CCDC122: variants seen among roughly 807,000 people sequenced by gnomAD.
CCDC122 encodes coiled-coil domain-containing protein 122.
In CCDC122, 38 loss-of-function variants were observed where a neutral mutation model predicts 37.0. That is an observed-to-expected ratio of 1.03 (90% CI 0.79 to 1.35). The LOEUF (loss-of-function observed/expected upper bound fraction) is 1.35, where lower values mean the gene tolerates loss of function less well. CCDC122 is among the 40% of genes most tolerant of loss of function. The pLI is 0.00. For synonymous variants in CCDC122, 83 were observed against 95.6 expected, an observed-to-expected ratio of 0.87 and a Z score of 0.77; for missense variants, 305 against 310.0, an observed-to-expected ratio of 0.98 and a Z score of 0.12.
chr13:43,846,383 C>A (rs1953536255), intron 6 of CCDC122, among the ~76,000 whole-genome samples: 1 of 152,160 alleles, frequency 6.6e-6, no homozygotes, highest in African/African-American at 2.4e-5. Context: ...CAATATATTT[C>A]TTTTTCCTCA....
chr13:43,854,430 A>G (rs984749728), intron 6 of CCDC122: 3 of 152,208 alleles, frequency 2.0e-5, no homozygotes, highest in Non-Finnish European at 2.9e-5. Context: ...AACCGGGAAG[A>G]AATCGAATCT....
In CCDC122 at chr13:43,868,775, A is replaced by C. The variant is rs1954354758; in HGVS notation, c.75T>G (p.Asp25Glu). ...EDNQDTSSLADAVEKVAKQQQ... is the reference protein window; with the variant it reads ...EDNQDTSSLAEAVEKVAKQQQ... ...GTTGCTTTGCAACTTTCTCTACAGC[A>C]TCAGCTAATGAACTTGTGTCTTGGT... Residue 25 changes from aspartate (D) to glutamate (E), a missense_variant, in exon 4 of 7, where the codon GAT (aspartate) becomes GAG (glutamate). Physicochemically the swap from Asp to Glu is conservative, Grantham distance 45. Coordinates refer to ENST00000444614, the MANE Select transcript of CCDC122 (RefSeq NM_144974.5). The C allele has an allele frequency of 6.5e-7, 1 of 1,547,618 alleles. No homozygotes were observed. Among genetic ancestry groups the C allele is most frequent in the Admixed American group, 1.9e-5 (1 of 51,474 alleles).
At chr13:43,868,901 T>C (rs1167396308) in intron 3 of CCDC122, 98 bp from the exon 4 acceptor site, 1 of 615,930 alleles carries the variant, frequency 1.6e-6, no homozygotes. Flanking sequence ...AAATATTTGA[T>C]ACTTTTTCCT....
At chr13:43,820,042 A>C (rs571967800), downstream of CCDC122, among the ~76,000 whole-genome samples, 1 of 152,210 alleles carries the variant, frequency 6.6e-6, no homozygotes, top group East Asian at 1.9e-4. Context: ...TAGGATCTAA[A>C]ATTTTCAGCA....
At chr13:43,848,177 T>A (rs1282925546) in intron 6 of CCDC122, among the ~76,000 whole-genome samples, 1 of 152,220 alleles carries the variant, frequency 6.6e-6, no homozygotes, top group African/African-American at 2.4e-5. Context: ...GTGTATTACA[T>A]CATACTAAAT....
intron 6 of CCDC122, 140 bp downstream of exon 6, chr13:43,858,641 T>C: frequency 1.9e-6 from 1 of 537,830 alleles, no homozygotes; most frequent in East Asian, 5.8e-5. Context: ...TATTAATGAT[T>C]TGTATTTACT....
chr13:43,848,552 C>T (rs577531584), intron 6 of CCDC122, among the ~76,000 whole-genome samples: 1 of 151,904 alleles, frequency 6.6e-6, no homozygotes, highest in African/African-American at 2.4e-5. Flanking sequence ...TCTTTTTTCT[C>T]CACTCTATCT....
downstream of CCDC122, among the ~76,000 whole-genome samples, chr13:43,822,378 A>G (rs546109766): frequency 6.6e-6 from 1 of 152,370 alleles, no homozygotes; most frequent in East Asian, 1.9e-4. Context: ...GACTGCACCA[A>G]TTCAGACTTG....
chr13:43,874,645 C>T (rs1205387170), intron 2 of CCDC122, 197 bp downstream of exon 2: 2 of 151,636 alleles, frequency 1.3e-5, no homozygotes, highest in East Asian at 1.9e-4. Flanking sequence ...AGTTTTTTTT[C>T]CCCAGACTTC....
chr13:43,848,976 A>G (rs993735993), intron 6 of CCDC122: 1 of 959,340 alleles, frequency 1.0e-6, no homozygotes, highest in Admixed American at 6.2e-5. Flanking sequence ...GAAGAAGGTT[A>G]CTCATATTAA....
intron 4 of CCDC122, among the ~76,000 whole-genome samples, chr13:43,861,780 T>C (rs1323209444): frequency 6.6e-6 from 1 of 152,156 alleles, no homozygotes; most frequent in Admixed American, 6.5e-5. Context: ...TTACCAGACA[T>C]CTCAACTATA....
chr13:43,839,100 C>T (rs917332508), intron 6 of CCDC122, among the ~76,000 whole-genome samples: 1 of 151,928 alleles, frequency 6.6e-6, no homozygotes, highest in Non-Finnish European at 1.5e-5. Context: ...TGGTAATGGG[C>T]GGGTATGGAA....
intron 6 of CCDC122, chr13:43,854,732 A>C (rs1455627149): frequency 2.6e-5 from 4 of 152,114 alleles, no homozygotes; most frequent in Non-Finnish European, 4.4e-5. Flanking sequence ...CCAACAAAAT[A>C]CTGTTAAATT....
At chr13:43,853,177 A>G (rs1319248685) in intron 6 of CCDC122, among the ~76,000 whole-genome samples, 2 of 152,196 alleles carry the variant, frequency 1.3e-5, no homozygotes, top group African/African-American at 4.8e-5. Flanking sequence ...GCCCCAGTTA[A>G]AAGGGACAGA....
intron 6 of CCDC122, chr13:43,858,410 G>A (rs1953997239): frequency 6.6e-6 from 1 of 152,348 alleles, no homozygotes; most frequent in Admixed American, 6.5e-5. Context: ...GCTTTCCATT[G>A]TGTTTTATTC....
downstream of CCDC122, among the ~76,000 whole-genome samples, chr13:43,819,212 A>T (rs947596571): frequency 1.3e-4 from 20 of 152,192 alleles, no homozygotes; most frequent in African/African-American, 3.9e-4. Context: ...TGGAGAAGCA[A>T]ACAGTCTCAT....
At chr13:43,834,412 GTCTAAA>G, downstream of CCDC122, among the ~76,000 whole-genome samples, 1 of 152,310 alleles carries the variant, frequency 6.6e-6, no homozygotes, top group South Asian at 2.1e-4. Flanking sequence ...AGGACTTCAT[GTCTAAA>G]ACACCAAAAG....
intron 1 of CCDC122, among the ~76,000 whole-genome samples, chr13:43,879,075 G>A (rs1249283872): frequency 6.6e-6 from 1 of 152,182 alleles, no homozygotes; most frequent in Non-Finnish European, 1.5e-5. Flanking sequence ...GGGTCAGCGA[G>A]GCGTCCCTCA....
At chr13:43,834,254 A>G (rs1953118190), downstream of CCDC122, among the ~76,000 whole-genome samples, 1 of 152,216 alleles carries the variant, frequency 6.6e-6, no homozygotes, top group African/African-American at 2.4e-5. Flanking sequence ...CTGCCTAGCC[A>G]TATGTAGAAA....
Sources: allele counts gnomAD v4.1 joint callset (sites outside exome capture counted in the v4.1 genomes callset), GRCh38; gene constraint gnomAD v4.1.1; transcripts MANE v1.5; gene names NCBI Gene and HGNC (gene_info 2026-07-23, HGNC 2026-07-21).